The following DNM3 variants were observed in gnomAD, a reference collection of about 807,000 sequenced individuals.
DNM3 encodes the protein dynamin-3.
A neutral mutation model predicts 101.6 loss-of-function variants in DNM3; 47 were observed. That is an observed-to-expected ratio of 0.46 (90% confidence interval 0.37 to 0.59). The LOEUF (loss-of-function observed/expected upper bound fraction) is 0.59, where lower values mean the gene tolerates loss of function less well. Ranked by LOEUF, DNM3 falls within the 20% of genes least tolerant of loss-of-function variation. The probability of loss-of-function intolerance (pLI) is 0.00; values close to 1 mark genes in which losing one functional copy is unlikely to be tolerated. For missense variants in DNM3, 849 were observed against 1,085.7 expected (o/e 0.78, Z 3.06); for synonymous variants, 385 against 387.9 (o/e 0.99, Z 0.09).
intron 15 of DNM3, among the ~76,000 whole-genome samples, chr1:172,300,074 C>T (rs1040826816): frequency 6.6e-6 from 1 of 152,134 alleles, no homozygotes; most frequent in Admixed American, 6.5e-5. Flanking sequence ...TTAGTAGTAG[C>T]CATTCTAACT....
At chr1:172,068,012 T>A (rs1424531795) in intron 10 of DNM3, among the ~76,000 whole-genome samples, 1 of 152,206 alleles carries the variant, frequency 6.6e-6, no homozygotes, top group African/African-American at 2.4e-5. Flanking sequence ...TTAACCTCTC[T>A]GTGCTTCACT....
At chr1:172,061,866 A>T (rs547004133) in intron 10 of DNM3, among the ~76,000 whole-genome samples, 83 of 151,608 alleles carry the variant, frequency 5.5e-4, no homozygotes, top group South Asian at 1.7e-3. Flanking sequence ...GAAAAAAATT[A>T]AAAAAAAAGA....
At chr1:172,107,995 C>A (rs1017956278) in intron 13 of DNM3, among the ~76,000 whole-genome samples, 4 of 151,860 alleles carry the variant, frequency 2.6e-5, no homozygotes, top group Non-Finnish European at 4.4e-5. Flanking sequence ...AGCAGTCAGG[C>A]AGGAGGTACC....
chr1:171,866,380 A>T (rs1204924387), intron 1 of DNM3, among the ~76,000 whole-genome samples: 1 of 151,430 alleles, frequency 6.6e-6, no homozygotes, highest in Non-Finnish European at 1.5e-5. Flanking sequence ...ATTCTCTGAA[A>T]CCGTCCTTGT....
intron 10 of DNM3, among the ~76,000 whole-genome samples, chr1:172,049,889 C>T (rs1321953448): frequency 6.6e-6 from 1 of 152,046 alleles, no homozygotes; most frequent in Non-Finnish European, 1.5e-5. Flanking sequence ...GTAGAAGAGG[C>T]AAATGGGCTG....
intron 4 of DNM3, among the ~76,000 whole-genome samples, 173 bp downstream of exon 4, chr1:171,989,321 TAATA>T (rs1019187504): frequency 1.1e-4 from 17 of 151,486 alleles, no homozygotes; most frequent in African/African-American, 3.9e-4. Context: ...TATTAAAAAA[TAATA>T]AATAATTTTA....
At chr1:172,317,241 G>A (rs2065423776) in intron 16 of DNM3, among the ~76,000 whole-genome samples, 1 of 151,546 alleles carries the variant, frequency 6.6e-6, no homozygotes, top group Non-Finnish European at 1.5e-5. Context: ...TCAAAGCAGT[G>A]TGTAGAGGGA....
chr1:172,174,936 A>G (rs2059102466), intron 14 of DNM3, among the ~76,000 whole-genome samples: 1 of 151,768 alleles, frequency 6.6e-6, no homozygotes, highest in African/African-American at 2.4e-5. Flanking sequence ...AAGAACAGAA[A>G]GTCGAATAGT....
chr1:172,259,035 T>C (rs1026943419), intron 15 of DNM3, among the ~76,000 whole-genome samples: 13 of 152,104 alleles, frequency 8.5e-5, no homozygotes, highest in African/African-American at 2.7e-4. Flanking sequence ...ATTTTTCACT[T>C]TCCATGTATT....
intron 13 of DNM3, among the ~76,000 whole-genome samples, chr1:172,105,044 C>T (rs2054914377): frequency 6.6e-6 from 1 of 152,178 alleles, no homozygotes. Context: ...ACATAAGGCA[C>T]TGTGTATTTT....
chr1:172,312,612 A>G (rs941305847), intron 16 of DNM3, among the ~76,000 whole-genome samples: 3 of 151,964 alleles, frequency 2.0e-5, no homozygotes, highest in Non-Finnish European at 4.4e-5. Flanking sequence ...CTCTTAAGTT[A>G]TTTATCTTGG....
chr1:171,910,673 T>A lies in DNM3; in HGVS notation c.162-11075T>A, dbSNP rs573348285. ...AATAATGAATGAATTCCAGAATAAC[T>A]TACCAATACTAAAAATGATGACAAT... On this transcript the variant is annotated intron_variant, in intron 1 of 20. Coordinates refer to ENST00000627582, the MANE Select transcript of DNM3 (RefSeq NM_015569.5). Among the ~76,000 whole-genome samples the A allele has an allele frequency of 2.0e-5, 3 of 152,278 alleles. No homozygotes were observed. The South Asian group carries it at 6.2e-4, about 32-fold the overall frequency.
At chr1:171,979,181 A>G (rs1344922467) in intron 2 of DNM3, among the ~76,000 whole-genome samples, 1 of 152,172 alleles carries the variant, frequency 6.6e-6, no homozygotes, top group Non-Finnish European at 1.5e-5. Context: ...AGGGAAGAGG[A>G]GGACAATCGT....
intron 11 of DNM3, among the ~76,000 whole-genome samples, chr1:172,074,096 G>A (rs1357563279): frequency 6.6e-6 from 1 of 152,012 alleles, no homozygotes; most frequent in African/African-American, 2.4e-5. Flanking sequence ...GATGTTTCAG[G>A]CACTGTTCTA....
intron 10 of DNM3, among the ~76,000 whole-genome samples, chr1:172,066,952 TTGTGTGTGTGTGTG>T (rs61202714): frequency 6.7e-6 from 1 of 150,124 alleles, no homozygotes; most frequent in Non-Finnish European, 1.5e-5. Context: ...GTCTCTGTGT[TTGTGTGTGTGTGTG>T]TGTGTGTGTT....
chr1:171,991,755 C>A (rs1488900650), intron 4 of DNM3, among the ~76,000 whole-genome samples: 2 of 152,190 alleles, frequency 1.3e-5, no homozygotes, highest in Non-Finnish European at 2.9e-5. Context: ...CCAGGAGCTG[C>A]CAGCCACTTA....
intron 10 of DNM3, among the ~76,000 whole-genome samples, chr1:172,050,574 AG>A (rs2050135742): frequency 6.6e-6 from 1 of 152,212 alleles, no homozygotes; most frequent in African/African-American, 2.4e-5. Context: ...TAGCTACAAA[AG>A]CTCTGCTATT....
chr1:172,206,242 G>C (rs772443092), intron 14 of DNM3, among the ~76,000 whole-genome samples: 2 of 152,008 alleles, frequency 1.3e-5, no homozygotes, highest in East Asian at 1.9e-4. Context: ...CTGAATTAAG[G>C]TTTCATGGGA....
At chr1:172,194,408 G>A (rs188148835) in intron 14 of DNM3, among the ~76,000 whole-genome samples, 149 of 152,148 alleles carry the variant, frequency 9.8e-4, no homozygotes, top group African/African-American at 3.4e-3. Flanking sequence ...TCAATTCCTG[G>A]ATGTCTTTGT....
Sources: gnomAD v4.1 joint callset for allele counts (sites outside exome capture counted in the v4.1 genomes callset) on GRCh38, gnomAD v4.1.1 for gene constraint, MANE v1.5 for transcripts, NCBI Gene and HGNC (gene_info 2026-07-23, HGNC 2026-07-21) for gene names.